Variants in AHCY observed in about 807,000 individuals in gnomAD.
The protein encoded by AHCY is adenosylhomocysteinase, also known as S-adenosyl-L-homocysteine hydrolase.
AHCY carries 24 observed loss-of-function variants against 45.4 expected under a neutral mutation model. The ratio of observed to expected loss-of-function variants is 0.53; its 90% confidence interval spans 0.38 to 0.74. The LOEUF is 0.74. Ranked by LOEUF, AHCY falls within the 30% of genes least tolerant of loss-of-function variation. The probability of loss-of-function intolerance (pLI) is 0.00; values close to 1 mark genes in which losing one functional copy is unlikely to be tolerated. For missense variants in AHCY, 449 were observed against 594.1 expected (o/e 0.76, Z 2.54); for synonymous variants, 245 against 235.1 (o/e 1.04, Z -0.39).
the AHCY span, among the ~76,000 whole-genome samples, chr20:34,252,345 G>A: frequency 2.6e-5 from 4 of 152,170 alleles, no homozygotes; most frequent in African/African-American, 9.7e-5. Flanking sequence ...AACAGGTGGG[G>A]AGAAGGTCAG....
At chr20:34,237,935 G>GT in the AHCY span, among the ~76,000 whole-genome samples, 2 of 152,102 alleles carry the variant, frequency 1.3e-5, no homozygotes, top group African/African-American at 2.4e-5. Flanking sequence ...TTGGTTGACA[G>GT]TTTTTTTCTT....
At chr20:34,288,167 A>G (rs1271477673) in intron 8 of AHCY, among the ~76,000 whole-genome samples, 1 of 144,776 alleles carries the variant, frequency 6.9e-6, no homozygotes, top group Non-Finnish European at 1.5e-5. Flanking sequence ...GCCAAGGAGA[A>G]CTCCCACGCA....
At chr20:34,260,650 C>T in the AHCY span, 1 of 1,203,580 alleles carries the variant, frequency 8.3e-7, no homozygotes, top group Non-Finnish European at 1.1e-6. Context: ...CTTGCTCGTT[C>T]CAGGAAATAA....
the AHCY span, among the ~76,000 whole-genome samples, chr20:34,271,597 G>C: frequency 4.9e-5 from 6 of 122,840 alleles, no homozygotes; most frequent in East Asian, 1.5e-3. Flanking sequence ...ACGGAGTCTT[G>C]CTCTGTCACC....
chr20:34,306,498 A>C (rs2036898034), upstream of AHCY, among the ~76,000 whole-genome samples: 1 of 151,610 alleles, frequency 6.6e-6, no homozygotes, highest in African/African-American at 2.4e-5. Context: ...CCTCCCAAGT[A>C]CCTGGGATTA....
At chr20:34,304,931 G>A (rs374865168), upstream of AHCY, among the ~76,000 whole-genome samples, 9 of 151,466 alleles carry the variant, frequency 5.9e-5, no homozygotes, top group African/African-American at 1.7e-4. Context: ...CAGGTGATCC[G>A]CCAGCCTCTG....
At chr20:34,243,787 G>A in the AHCY span, among the ~76,000 whole-genome samples, 1 of 150,058 alleles carries the variant, frequency 6.7e-6, no homozygotes, top group Non-Finnish European at 1.5e-5. Flanking sequence ...CTGTCTCGCC[G>A]GGCGCGGTGG....
At chr20:34,253,441 ATTTTAT>A in the AHCY span, among the ~76,000 whole-genome samples, 2 of 111,982 alleles carry the variant, frequency 1.8e-5, no homozygotes, top group African/African-American at 8.0e-5. Flanking sequence ...TCTTATTTTT[ATTTTAT>A]TTTATTTATT....
chr20:34,300,668 T>C (rs1292613422), intron 1 of AHCY, among the ~76,000 whole-genome samples: 2 of 152,212 alleles, frequency 1.3e-5, no homozygotes, highest in Non-Finnish European at 2.9e-5. Context: ...GTGACTCAAA[T>C]AGAGGCATAA....
chr20:34,235,903 G>GA, the AHCY span, among the ~76,000 whole-genome samples: 1 of 86,170 alleles, frequency 1.2e-5, no homozygotes, highest in Admixed American at 9.6e-5. Context: ...GGAAGGAAAG[G>GA]AAGGAAGGAA....
Position 34,280,986 on chromosome 20 carries a change from G to C in AHCY, c.*48C>G, listed in dbSNP as rs778041953. 12 of 1,612,510 alleles carry C rather than the reference G, an allele frequency of 7.4e-6. No individual in the cohort carries two copies. In the Admixed American group the frequency reaches 1.8e-4, roughly 25 times the overall value. ...CATTAGCTCTTAGGGAGGAGAGGTG[G>C]GGCCTGGGCAAGGACAGCAGCTGGA... On this transcript the variant is annotated 3_prime_UTR_variant, in exon 10 of 10. Transcript: ENST00000217426.
upstream of AHCY, among the ~76,000 whole-genome samples, chr20:34,305,217 G>A (rs182545428): frequency 5.3e-5 from 8 of 151,400 alleles, no homozygotes; most frequent in African/African-American, 1.5e-4. Context: ...CCAGCTACTC[G>A]CAAGGCTGAG....
the AHCY span, among the ~76,000 whole-genome samples, chr20:34,238,627 A>G: frequency 6.6e-6 from 1 of 151,504 alleles, no homozygotes; most frequent in African/African-American, 2.4e-5. Flanking sequence ...GTTTTAATAT[A>G]TTTGTCTAGT....
the AHCY span, among the ~76,000 whole-genome samples, chr20:34,267,088 AATAT>A: frequency 1.3e-5 from 2 of 152,228 alleles, no homozygotes; most frequent in Non-Finnish European, 2.9e-5. Context: ...GACAGATAAA[AATAT>A]ATAACTGACA....
chr20:34,262,424 G>A, the AHCY span, among the ~76,000 whole-genome samples: 1 of 152,120 alleles, frequency 6.6e-6, no homozygotes, highest in Non-Finnish European at 1.5e-5. Context: ...GGAAACACAG[G>A]TGCATCTGTG....
Position 34,295,415 on chromosome 20 carries a change from G to C in AHCY, c.199C>G (p.Leu67Val). The C allele has an allele frequency of 1.2e-6, 2 of 1,614,010 alleles. No individual in the cohort carries two copies. The highest frequency in any genetic ancestry group is 8.5e-7 in the Non-Finnish European group (1 of 1,179,902). The change falls in exon 2 of 10, where the codon CTC becomes GTC. Residue 67 changes from leucine to valine, a missense_variant. Physicochemically the swap from Leu to Val is conservative, Grantham distance 32. Transcript: ENST00000217426. The stretch of plus-strand genomic sequence containing the variant: ...CTCACCTCAGCACCCAGGGTGACGA[G>C]GGTCTCAATGAGGACGGCCGTCTCC... ...TVETAVLIET[L>V]VTLGAEVQWS...
chr20:34,270,598 G>T, the AHCY span, among the ~76,000 whole-genome samples: 3 of 152,198 alleles, frequency 2.0e-5, no homozygotes, highest in Non-Finnish European at 2.9e-5. Flanking sequence ...AAGCCACTTG[G>T]CTGCTGGGTC....
chr20:34,260,776 A>C, the AHCY span, among the ~76,000 whole-genome samples: 1 of 152,350 alleles, frequency 6.6e-6, no homozygotes, highest in South Asian at 2.1e-4. Context: ...AAGTTAAGAC[A>C]CTTGGTGAAC....
intron 5 of AHCY, 64 bp downstream of exon 5, chr20:34,291,355 C>A: frequency 1.4e-6 from 2 of 1,467,320 alleles, no homozygotes; most frequent in East Asian, 2.3e-5. Context: ...GGGCACTCTT[C>A]TTCAGAGGCC....
Sources: gnomAD v4.1 joint callset for allele counts (sites outside exome capture counted in the v4.1 genomes callset) on GRCh38, gnomAD v4.1.1 for gene constraint, MANE v1.5 for transcripts, NCBI Gene and HGNC (gene_info 2026-07-23, HGNC 2026-07-21) for gene names.